Variants in COA1 observed in about 807,000 individuals in gnomAD.
COA1 encodes the protein cytochrome c oxidase assembly factor 1 homolog.
A neutral mutation model predicts 16.0 loss-of-function variants in COA1; 13 were observed. The ratio of observed to expected loss-of-function variants is 0.81; its 90% CI spans 0.53 to 1.29. The LOEUF (loss-of-function observed/expected upper bound fraction) is 1.29. COA1 is among the 50% of genes most tolerant of loss of function. The probability of loss-of-function intolerance (pLI) is 0.00; values close to 1 mark genes in which losing one functional copy is unlikely to be tolerated. For synonymous variants in COA1, 65 were observed against 65.7 expected (o/e 0.99, Z 0.05); for missense variants, 179 against 177.0 (o/e 1.01, Z -0.06).
intron 1 of COA1, among the ~76,000 whole-genome samples, chr7:43,717,557 A>C (rs534340940): frequency 6.6e-6 from 1 of 152,348 alleles, no homozygotes; most frequent in African/African-American, 2.4e-5. Flanking sequence ...TATAGGCAGA[A>C]GGGACTTGCC....
intron 1 of COA1, among the ~76,000 whole-genome samples, chr7:43,722,726 T>C (rs1246796192): frequency 2.0e-5 from 3 of 152,182 alleles, no homozygotes; most frequent in Non-Finnish European, 4.4e-5. Flanking sequence ...TGTGATTGCA[T>C]TTCATCTCCC....
At chr7:43,608,662 C>G (rs904791764) in exon 7 of COA1, 1 of 278,464 alleles carries the variant, frequency 3.6e-6, no homozygotes, top group Non-Finnish European at 6.6e-6. Flanking sequence ...TGAGCTAGAT[C>G]TTTTGAAAAG....
intron 6 of COA1, chr7:43,633,176 T>C (rs2085338868): frequency 6.6e-6 from 1 of 152,262 alleles, no homozygotes; most frequent in South Asian, 2.1e-4. Flanking sequence ...GTAGCCACTT[T>C]CATCGATGGT....
downstream of COA1, chr7:43,638,995 A>G (rs2086416735): frequency 6.6e-6 from 1 of 152,344 alleles, no homozygotes; most frequent in South Asian, 2.1e-4. Flanking sequence ...CAAATCTTCA[A>G]CTGGGCAGAT....
At position 43,630,632 on chromosome 7, in the gene COA1, A is replaced by G. The variant is rs145544303; in HGVS notation, c.*133+8817T>C. On this transcript the variant is annotated intron_variant and NMD_transcript_variant, in intron 6 of 6. Coordinates refer to the COA1 transcript ENST00000415076. ...CTGTCCCTTTTAAAGCAGCATATTC[A>G]ATACTTTCATCCTATACTTTTTAAA... Among the ~76,000 whole-genome samples, 346 of 152,284 alleles carry G rather than the reference A, an allele frequency of 2.3e-3. 1 individual carries two copies. The highest frequency in any genetic ancestry group is 7.9e-3 in the African/African-American group (330 of 41,558).
chr7:43,628,406 T>C (rs2084832481), intron 6 of COA1, among the ~76,000 whole-genome samples: 1 of 152,250 alleles, frequency 6.6e-6, no homozygotes, highest in African/African-American at 2.4e-5. Context: ...ATAAATGTGC[T>C]ATAAATATTC....
chr7:43,728,210 G>A (rs1455832665), intron 1 of COA1, among the ~76,000 whole-genome samples: 4 of 152,098 alleles, frequency 2.6e-5, no homozygotes, highest in African/African-American at 2.4e-5. Context: ...TCCTGACCTC[G>A]TGATCCACCC....
Position 43,684,348 on chromosome 7 carries a change from G to A in COA1, c.-38-35696C>T, listed in dbSNP as rs543775145. ...CCGGGAGTGGGTGAATGGGATTGGG[G>A]ACCCCTGAACTAGGGTCCTACATAT... On this transcript the variant is annotated intron_variant, in intron 1 of 5. Coordinates refer to ENST00000223336, the MANE Select transcript of COA1 (RefSeq NM_018224.4). 3.3e-5 allele frequency among the ~76,000 whole-genome samples: 5 copies of A among 152,260 alleles called. No homozygotes were observed. In the South Asian group the frequency reaches 1.0e-3, roughly 32 times the overall value.
intron 1 of COA1, among the ~76,000 whole-genome samples, chr7:43,720,747 A>G (rs541178951): frequency 5.3e-5 from 8 of 152,258 alleles, no homozygotes; most frequent in Non-Finnish European, 1.2e-4. Flanking sequence ...TGGCAGCCCC[A>G]GTCCCTAGGG....
chr7:43,710,411 T>C (rs1048288426), intron 1 of COA1, among the ~76,000 whole-genome samples: 4 of 133,916 alleles, frequency 3.0e-5, no homozygotes, highest in African/African-American at 1.1e-4. Flanking sequence ...AGATATGTCC[T>C]AAACAGTTGA....
At chr7:43,681,529 T>C (rs2093767985) in intron 1 of COA1, among the ~76,000 whole-genome samples, 1 of 152,264 alleles carries the variant, frequency 6.6e-6, no homozygotes, top group African/African-American at 2.4e-5. Context: ...CACAGATTTC[T>C]TTCATAGTCC....
At position 43,707,235 on chromosome 7, in the gene COA1, A is replaced by G. The variant is rs1390531170; in HGVS notation, c.-39+22194T>C. Among the ~76,000 whole-genome samples the G allele has an allele frequency of 3.3e-5, 5 of 152,240 alleles. No homozygotes were observed. The South Asian group carries it at 1.0e-3, about 31-fold the overall frequency. ...AGTAATCTTTAAAGAGTTCAGTCAA[A>G]TTAATAAATACAACATCAAGACTGA... On this transcript the variant is annotated intron_variant, in intron 1 of 5. Transcript: ENST00000223336.
At chr7:43,723,606 A>G (rs2095552859) in intron 1 of COA1, among the ~76,000 whole-genome samples, 1 of 152,032 alleles carries the variant, frequency 6.6e-6, no homozygotes, top group South Asian at 2.1e-4. Context: ...AATTTCCCCA[A>G]AAAGACTAAA....
chr7:43,626,560 A>G (rs755137509), intron 6 of COA1: 2 of 152,216 alleles, frequency 1.3e-5, no homozygotes, highest in Non-Finnish European at 2.9e-5. Flanking sequence ...TTTAATGAAT[A>G]TCCATGGCCA....
chr7:43,727,396 T>C (rs1000354497), intron 1 of COA1, among the ~76,000 whole-genome samples: 3 of 152,182 alleles, frequency 2.0e-5, no homozygotes, highest in African/African-American at 7.2e-5. Flanking sequence ...GAAAACATGA[T>C]GTCCACACAA....
At chr7:43,682,635 T>TA (rs1286641370) in intron 1 of COA1, among the ~76,000 whole-genome samples, 1 of 152,212 alleles carries the variant, frequency 6.6e-6, no homozygotes, top group African/African-American at 2.4e-5. Context: ...CCACATCACT[T>TA]AAAGTTTGAA....
chr7:43,647,477 G>GAGGAGCAGGAGCAGGCT, intron 3 of COA1, 58 bp downstream of exon 3: 1 of 742,246 alleles, frequency 1.3e-6, no homozygotes, highest in East Asian at 2.4e-5. Context: ...TCCTCTGATG[G>GAGGAGCAGGAGCAGGCT]AGGAGCAGGA....
At chr7:43,652,638 T>C (rs1462508314) in intron 1 of COA1, among the ~76,000 whole-genome samples, 2 of 152,188 alleles carry the variant, frequency 1.3e-5, no homozygotes, top group African/African-American at 4.8e-5. Flanking sequence ...GCCATTTCCA[T>C]CTGCCAGAAG....
intron 3 of COA1, chr7:43,647,248 T>A (rs2089595871): frequency 2.2e-6 from 1 of 462,144 alleles, no homozygotes; most frequent in South Asian, 4.1e-5. Flanking sequence ...AATCTCAGAA[T>A]CTTGATGGAG....
Sources: gnomAD v4.1 joint callset for allele counts (sites outside exome capture counted in the v4.1 genomes callset) on GRCh38, gnomAD v4.1.1 for gene constraint, MANE v1.5 for transcripts, NCBI Gene and HGNC (gene_info 2026-07-23, HGNC 2026-07-21) for gene names.